The following HAVCR1 variants were observed in gnomAD, a reference collection of about 807,000 sequenced individuals.
HAVCR1 encodes T cell immunoglobin domain and mucin domain protein 1.
In HAVCR1, 34 loss-of-function variants were observed where a neutral mutation model predicts 32.0. That is an observed-to-expected ratio of 1.06 (90% CI 0.81 to 1.42). The LOEUF is 1.42. Ranked by LOEUF, HAVCR1 falls within the 40% of genes most tolerant of loss-of-function variation. The pLI, the probability that HAVCR1 is intolerant of heterozygous loss-of-function variation, is 0.00. For missense variants in HAVCR1, 420 were observed against 442.3 expected, an observed-to-expected ratio of 0.95 and a Z score of 0.45; for synonymous variants, 178 against 170.3, an observed-to-expected ratio of 1.05 and a Z score of -0.35.
intron 8 of HAVCR1, among the ~76,000 whole-genome samples, chr5:157,031,779 C>T (rs977726823): frequency 5.1e-5 from 7 of 138,040 alleles, no homozygotes; most frequent in Admixed American, 4.7e-4. Context: ...CCATTGCATT[C>T]CAGCCTGGGT....
rs1267070197 is a variant in HAVCR1, at chr5:157,029,807, G to A, written c.1021C>T (p.Gln341Ter). 2.5e-6 allele frequency: 4 copies of A among 1,611,834 alleles called. No individual in the cohort carries two copies. In the African/African-American group the frequency reaches 5.4e-5, roughly 22 times the overall value. ...SFSSLQIKAL[Q>*]NAVEKEVQAE... ...TGGACTTCCTTTTCAACTGCATTTTGCAAAGCTTTAATTTGAAGGCTGCTA... is the reference window on the plus strand; with the variant it reads ...TGGACTTCCTTTTCAACTGCATTTTACAAAGCTTTAATTTGAAGGCTGCTA... The change falls in exon 9 of 9, where the codon CAA (glutamine) becomes TAA (stop). Residue 341 changes from glutamine (Q) to a stop codon, truncating the protein, a stop_gained. Transcript: ENST00000523175. LOFTEE classifies it low-confidence loss of function (END_TRUNC).
chr5:157,044,607 G>GAGAAAGAAAA (rs1554090523), intron 5 of HAVCR1, among the ~76,000 whole-genome samples: 8 of 70,250 alleles, frequency 1.1e-4, no homozygotes, highest in African/African-American at 5.2e-4. Context: ...AAGAAAGAAA[G>GAGAAAGAAAA]AAAGAAAGAG....
At chr5:157,031,268 G>A (rs187166737) in intron 8 of HAVCR1, among the ~76,000 whole-genome samples, 3 of 152,324 alleles carry the variant, frequency 2.0e-5, no homozygotes, top group Non-Finnish European at 4.4e-5. Flanking sequence ...GCACTGTTCA[G>A]ACAGGTTCTG....
intron 7 of HAVCR1, among the ~76,000 whole-genome samples, chr5:157,034,701 C>G (rs1240009695): frequency 6.6e-6 from 1 of 152,054 alleles, no homozygotes; most frequent in East Asian, 1.9e-4. Context: ...TTCCGCAGTG[C>G]ATTTTGTCCC....
intron 4 of HAVCR1, among the ~76,000 whole-genome samples, chr5:157,051,508 G>A (rs1484433543): frequency 1.3e-5 from 2 of 152,048 alleles, no homozygotes; most frequent in Non-Finnish European, 2.9e-5. Context: ...AACGTGACTC[G>A]ACCACTTTCT....
intron 6 of HAVCR1, 95 bp downstream of exon 6, chr5:157,042,532 G>C: frequency 1.5e-6 from 1 of 653,904 alleles, no homozygotes; most frequent in Non-Finnish European, 2.6e-6. Context: ...AAAATTCTGT[G>C]GGCTAGTCTT....
At chr5:157,065,484 C>T in the HAVCR1 span, among the ~76,000 whole-genome samples, 32 of 152,286 alleles carry the variant, frequency 2.1e-4, no homozygotes, top group African/African-American at 7.2e-4. Flanking sequence ...TTTGGGAGAC[C>T]GGGGCAGGCT....
chr5:157,030,901 T>C (rs1208036865), intron 8 of HAVCR1, among the ~76,000 whole-genome samples: 2 of 152,092 alleles, frequency 1.3e-5, no homozygotes, highest in East Asian at 1.9e-4. Flanking sequence ...CAGTCATACA[T>C]GTGTGAAGAC....
At chr5:157,050,656 T>G (rs1755684907) in intron 4 of HAVCR1, among the ~76,000 whole-genome samples, 1 of 152,216 alleles carries the variant, frequency 6.6e-6, no homozygotes, top group Non-Finnish European at 1.5e-5. Context: ...GACTTGGGGA[T>G]GTTCTCCAAA....
upstream of HAVCR1, among the ~76,000 whole-genome samples, chr5:157,061,985 G>A (rs1263493376): frequency 6.6e-6 from 1 of 152,122 alleles, no homozygotes; most frequent in Non-Finnish European, 1.5e-5. Context: ...AGACGCCTGT[G>A]TTCTAAAGAC....
chr5:157,062,544 C>T (rs79531758), upstream of HAVCR1, among the ~76,000 whole-genome samples: 7,900 of 152,174 alleles, frequency 0.052, 460 homozygotes, highest in African/African-American at 0.14. Flanking sequence ...TCTTAGGCCC[C>T]CTCCACAACT....
intron 2 of HAVCR1, among the ~76,000 whole-genome samples, 181 bp downstream of exon 2, chr5:157,057,717 T>G (rs1561606522): frequency 6.6e-6 from 1 of 152,250 alleles, no homozygotes; most frequent in Non-Finnish European, 1.5e-5. Flanking sequence ...GTTAAGCAAT[T>G]TCTTTGGCCT....
chr5:157,062,822 T>C (rs1756516951), upstream of HAVCR1, among the ~76,000 whole-genome samples: 2 of 151,898 alleles, frequency 1.3e-5, no homozygotes, highest in African/African-American at 2.4e-5. Flanking sequence ...ATGTTTACCA[T>C]AGAAAATACA....
intron 7 of HAVCR1, among the ~76,000 whole-genome samples, chr5:157,034,421 T>G (rs765973021): frequency 6.6e-6 from 1 of 151,848 alleles, no homozygotes; most frequent in Non-Finnish European, 1.5e-5. Context: ...ATAAGGCAGT[T>G]TTCTTCTATC....
upstream of HAVCR1, among the ~76,000 whole-genome samples, chr5:157,059,591 C>T (rs897793140): frequency 7.9e-5 from 12 of 152,174 alleles, no homozygotes; most frequent in African/African-American, 2.9e-4. Flanking sequence ...AGAAGAATTG[C>T]TTGAACCTGG....
chr5:157,064,885 A>G, the HAVCR1 span, among the ~76,000 whole-genome samples: 1 of 152,114 alleles, frequency 6.6e-6, no homozygotes, highest in South Asian at 2.1e-4. Context: ...ACAAAAAACA[A>G]AAAACAAAAA....
At chr5:157,055,656 A>C in intron 2 of HAVCR1, 123 bp from the exon 3 acceptor site, 1 of 601,796 alleles carries the variant, frequency 1.7e-6, no homozygotes, top group South Asian at 2.4e-5. Context: ...AACCCAGGTC[A>C]GGAGTTCAAG....
intron 8 of HAVCR1, among the ~76,000 whole-genome samples, chr5:157,031,337 A>C (rs1404920569): frequency 6.6e-6 from 1 of 152,202 alleles, no homozygotes; most frequent in African/African-American, 2.4e-5. Context: ...GCATCCAATG[A>C]AGGAGAACTA....
At chr5:157,058,830 A>G (rs1307848267) in intron 1 of HAVCR1, 91 bp downstream of exon 1, 1 of 152,198 alleles carries the variant, frequency 6.6e-6, no homozygotes, top group African/African-American at 2.4e-5. Context: ...CTAACCTTTC[A>G]TGCTCCTGTA....
Sources: allele counts gnomAD v4.1 joint callset (sites outside exome capture counted in the v4.1 genomes callset), GRCh38; gene constraint gnomAD v4.1.1; transcripts MANE v1.5; gene names NCBI Gene and HGNC (gene_info 2026-07-23, HGNC 2026-07-21).